Variants in ELP5 observed in about 807,000 individuals in gnomAD.
ELP5 encodes elongator acetyltransferase complex subunit 5.
A neutral mutation model predicts 33.4 loss-of-function variants in ELP5; 34 were observed. That is an observed-to-expected ratio of 1.02 (90% confidence interval 0.78 to 1.36). ELP5 has a LOEUF of 1.36. Ranked by LOEUF, ELP5 falls within the 40% of genes most tolerant of loss-of-function variation. ELP5 has a pLI of 0.00. For synonymous variants in ELP5, 161 were observed against 146.4 expected, an observed-to-expected ratio of 1.10 and a Z score of -0.72; for missense variants, 373 against 371.7, an observed-to-expected ratio of 1.00 and a Z score of -0.03.
chr17:7,253,386 TGGTA>T (rs2071998051), intron 3 of ELP5, among the ~76,000 whole-genome samples: 1 of 152,142 alleles, frequency 6.6e-6, no homozygotes, highest in Non-Finnish European at 1.5e-5. Context: ...TAGGGAATAA[TGGTA>T]GGAAGTGATA....
intron 5 of ELP5, among the ~76,000 whole-genome samples, chr17:7,258,029 C>G (rs2072116432): frequency 6.6e-6 from 1 of 151,726 alleles, no homozygotes; most frequent in South Asian, 2.1e-4. Flanking sequence ...GATCATGCCA[C>G]TACACTCCAG....
At chr17:7,253,081 G>T (rs1367211273) in intron 3 of ELP5, 83 bp downstream of exon 3, 5 of 1,305,174 alleles carry the variant, frequency 3.8e-6, no homozygotes, top group African/African-American at 2.9e-5. Context: ...GCAGAACCTG[G>T]TATGTAGTAG....
Position 7,252,832 on chromosome 17 carries a change from T to TCA in ELP5, c.107+2_107+3insCA, listed in dbSNP as rs779088293. ...GCTTGTCAAGAAATCTGCACTGTGGTGAGTATCCCACAGTGTCTCCCCGGC... is the reference window on the plus strand; with the variant it reads ...GCTTGTCAAGAAATCTGCACTGTGGTCAGAGTATCCCACAGTGTCTCCCCGGC... On this transcript the variant is annotated splice_region_variant and intron_variant, in intron 2 of 7. Coordinates refer to ENST00000396628, the MANE Select transcript of ELP5 (RefSeq NM_203414.3). The TCA allele has an allele frequency of 2.5e-6, 4 of 1,613,982 alleles. No homozygotes were observed. The highest frequency in any genetic ancestry group is 3.4e-6 in the Non-Finnish European group (4 of 1,179,964).
rs771418556 is a variant in ELP5 at position 7,256,852 on chromosome 17, T to C, written c.410-5T>C. 6.2e-7 allele frequency: 1 copy of C among 1,614,162 alleles called. No homozygotes were observed. Among genetic ancestry groups the C allele is most frequent in the South Asian group, 1.1e-5 (1 of 91,088 alleles). On this transcript the variant is annotated splice_region_variant and splice_polypyrimidine_tract_variant and intron_variant, in intron 4 of 7. Coordinates refer to ENST00000396628, the MANE Select transcript of ELP5 (RefSeq NM_203414.3). ...TACTATCCTACATTTCTTGTCCTCC[T>C]CTAGGTGACAGCTCCTCAGTGGGGA...
At chr17:7,256,302 C>T (rs1165787940) in intron 4 of ELP5, among the ~76,000 whole-genome samples, 2 of 152,076 alleles carry the variant, frequency 1.3e-5, no homozygotes, top group African/African-American at 4.8e-5. Context: ...AAGATTGCGC[C>T]ACTGCACTCT....
At chr17:7,255,734 T>A (rs1252933317) in intron 4 of ELP5, among the ~76,000 whole-genome samples, 1 of 152,186 alleles carries the variant, frequency 6.6e-6, no homozygotes, top group Non-Finnish European at 1.5e-5. Flanking sequence ...AGTATTAGGA[T>A]GAACCACTAT....
intron 4 of ELP5, among the ~76,000 whole-genome samples, chr17:7,255,341 T>C (rs1046856656): frequency 6.6e-6 from 1 of 151,740 alleles, no homozygotes; most frequent in African/African-American, 2.4e-5. Context: ...CTGGCTAACA[T>C]GGTGAAACCC....
intron 4 of ELP5, among the ~76,000 whole-genome samples, chr17:7,255,397 G>A (rs751619559): frequency 5.3e-5 from 8 of 152,104 alleles, no homozygotes; most frequent in African/African-American, 9.6e-5. Context: ...GCTTGGTGGC[G>A]GGCACCTCTA....
chr17:7,252,830 G>A lies in ELP5; in HGVS notation c.107G>A (p.Cys36Tyr), dbSNP rs923802406. The A allele has an allele frequency of 2.5e-6, 4 of 1,614,078 alleles. No individual in the cohort carries two copies. Among genetic ancestry groups the A allele is most frequent in the Non-Finnish European group, 2.5e-6 (3 of 1,180,044 alleles). ...GCGCTTGTCAAGAAATCTGCACTGT[G>A]GTGAGTATCCCACAGTGTCTCCCCG... ...LKALVKKSAL[C>Y]GEQVHILGCE... is the part of the protein sequence containing the mutation. Residue 36 changes from cysteine (C) to tyrosine (Y), a missense_variant and splice_region_variant, in exon 2 of 8, where the codon TGT (cysteine) becomes TAT (tyrosine). Transcript: ENST00000396628.
In ELP5 at chr17:7,258,927, G is replaced by A; in HGVS notation, c.788+1G>A. On this transcript the variant is annotated splice_donor_variant, in intron 7 of 7. Coordinates refer to ENST00000396628, the MANE Select transcript of ELP5 (RefSeq NM_203414.3). LOFTEE classifies it high-confidence loss of function. Reference sequence around the variant, plus strand: ...TGCCCTTCCAGTTCAGTTCTGAAAAGTAAGGTTGGGACCTGGGTACGTGGA... The same window carrying A: ...TGCCCTTCCAGTTCAGTTCTGAAAAATAAGGTTGGGACCTGGGTACGTGGA... The A allele has an allele frequency of 1.2e-6, 2 of 1,614,174 alleles. No individual in the cohort carries two copies. Among genetic ancestry groups the A allele is most frequent in the Non-Finnish European group, 1.7e-6 (2 of 1,180,026 alleles).
At chr17:7,256,135 G>A (rs745580234) in intron 4 of ELP5, among the ~76,000 whole-genome samples, 2 of 151,974 alleles carry the variant, frequency 1.3e-5, no homozygotes, top group East Asian at 3.9e-4. Context: ...GGTAGATCAC[G>A]AGGTCAGGAG....
intron 5 of ELP5, among the ~76,000 whole-genome samples, chr17:7,257,361 G>A (rs1229833389): frequency 6.6e-6 from 1 of 151,392 alleles, no homozygotes; most frequent in Non-Finnish European, 1.5e-5. Context: ...CTATGGTTAA[G>A]GTAGATTGTT....
intron 4 of ELP5, 59 bp from the exon 5 acceptor site, chr17:7,256,798 G>C: frequency 6.4e-7 from 1 of 1,560,814 alleles, no homozygotes; most frequent in Non-Finnish European, 8.8e-7. Context: ...TTCACTGTTA[G>C]CTCCCAGGCC....
At chr17:7,259,325 T>TA in intron 7 of ELP5, 1 of 1,398,386 alleles carries the variant, frequency 7.2e-7, no homozygotes, top group Non-Finnish European at 9.3e-7. Context: ...GACGCAAGAC[T>TA]ACAAGATCCT....
In ELP5 at chr17:7,259,854, G is replaced by A; in HGVS notation, c.*169G>A. On this transcript the variant is annotated 3_prime_UTR_variant, in exon 8 of 8. Coordinates refer to ENST00000396628, the MANE Select transcript of ELP5 (RefSeq NM_203414.3). ...CAGGAAGCAGCGTCTCATCAGGACAGAAGGTAGGATGAAGACATGGGGTAA... is the reference window on the plus strand; with the variant it reads ...CAGGAAGCAGCGTCTCATCAGGACAAAAGGTAGGATGAAGACATGGGGTAA... The A allele has an allele frequency of 2.5e-6, 3 of 1,223,612 alleles. No homozygotes were observed. The highest frequency in any genetic ancestry group is 3.3e-6 in the Non-Finnish European group (3 of 900,760). 75.8% of individuals were successfully genotyped at this position (1,223,612 alleles called of 1,614,324 possible). A position where few individuals can be genotyped will look rare whatever the true frequency, so the allele number is the denominator to read the frequency against.
intron 4 of ELP5, 71 bp from the exon 5 acceptor site, chr17:7,256,782 CTCTT>C: frequency 6.8e-7 from 1 of 1,477,544 alleles, no homozygotes; most frequent in Non-Finnish European, 9.4e-7. Flanking sequence ...GTGAGGCTCT[CTCTT>C]CTTCACTGTT....
Position 7,252,302 on chromosome 17 carries a change from C to T in ELP5, c.-249C>T. 2 of 590,670 alleles carry T rather than the reference C, an allele frequency of 3.4e-6. No homozygotes were observed. Among genetic ancestry groups the T allele is most frequent in the Non-Finnish European group, 6.1e-6 (2 of 329,084 alleles). 36.6% of individuals were successfully genotyped at this position (590,670 alleles called of 1,614,324 possible). A position where few individuals can be genotyped will look rare whatever the true frequency, so the allele number is the denominator to read the frequency against. ...AACTGCCCCAACTGCTCTTCCCGCC[C>T]CGGTCACAGTGAAAATGTAGACGGG... On this transcript the variant is annotated 5_prime_UTR_variant, in exon 1 of 8. Coordinates refer to ENST00000396628, the MANE Select transcript of ELP5 (RefSeq NM_203414.3).
chr17:7,252,315 A>G lies in ELP5; in HGVS notation c.-236A>G, dbSNP rs1485679371. 1 of 612,892 alleles carries G rather than the reference A, an allele frequency of 1.6e-6. No individual in the cohort carries two copies. Among genetic ancestry groups the G allele is most frequent in the African/African-American group, 1.8e-5 (1 of 54,290 alleles). The allele number at this position is 612,892 out of a possible 1,614,324, so 38.0% of individuals were successfully genotyped here. A position where few individuals can be genotyped will look rare whatever the true frequency, so the allele number is the denominator to read the frequency against. ...GCTCTTCCCGCCCCGGTCACAGTGAAAATGTAGACGGGGTCGTTGTCCGTA... is the reference window on the plus strand; with the variant it reads ...GCTCTTCCCGCCCCGGTCACAGTGAGAATGTAGACGGGGTCGTTGTCCGTA... On this transcript the variant is annotated 5_prime_UTR_variant, in exon 1 of 8. Coordinates refer to ENST00000396628, the MANE Select transcript of ELP5 (RefSeq NM_203414.3).
intron 4 of ELP5, among the ~76,000 whole-genome samples, chr17:7,256,343 G>A (rs533002725): frequency 6.6e-5 from 10 of 152,006 alleles, no homozygotes; most frequent in African/African-American, 2.2e-4. Context: ...ACTCCATCTC[G>A]AAAAAGAAAA....
Sources: gnomAD v4.1 joint callset for allele counts (sites outside exome capture counted in the v4.1 genomes callset) on GRCh38, gnomAD v4.1.1 for gene constraint, MANE v1.5 for transcripts, NCBI Gene and HGNC (gene_info 2026-07-23, HGNC 2026-07-21) for gene names.